The following ADCY9 variants were observed in gnomAD, a reference collection of about 807,000 sequenced individuals.
The protein encoded by ADCY9 is adenylate cyclase 9, also known as adenylate cyclase type 9.
ADCY9 carries 50 observed loss-of-function variants against 101.5 expected under a neutral mutation model. The ratio of observed to expected loss-of-function variants is 0.49; its 90% confidence interval spans 0.39 to 0.62. The LOEUF (loss-of-function observed/expected upper bound fraction) is 0.62, where lower values mean the gene tolerates loss of function less well. ADCY9 is among the 20% of genes least tolerant of loss of function. ADCY9 has a pLI of 0.00. For missense variants in ADCY9, 1,662 were observed against 1,800.4 expected (o/e 0.92, Z 1.39); for synonymous variants, 905 against 769.3 (o/e 1.18, Z -2.92).
At chr16:4,053,427 C>T (rs899527591) in intron 2 of ADCY9, among the ~76,000 whole-genome samples, 1 of 152,192 alleles carries the variant, frequency 6.6e-6, no homozygotes, top group South Asian at 2.1e-4. Context: ...TTGAGAAGAG[C>T]TCTCGACGGA....
chr16:4,047,957 C>T (rs970949347), intron 2 of ADCY9, among the ~76,000 whole-genome samples: 1 of 152,188 alleles, frequency 6.6e-6, no homozygotes. Flanking sequence ...TGGGAGTGAG[C>T]CCTGGAGGTT....
intron 10 of ADCY9, among the ~76,000 whole-genome samples, chr16:3,969,614 T>TGCGTA (rs1567414929): frequency 3.9e-5 from 2 of 50,720 alleles, no homozygotes; most frequent in Non-Finnish European, 7.6e-5. Context: ...ATATATGTAT[T>TGCGTA]TTTTTTTTTT....
chr16:3,989,174 C>T (rs754657384), intron 5 of ADCY9, 78 bp from the exon 6 acceptor site: 23 of 1,098,020 alleles, frequency 2.1e-5, no homozygotes, highest in Non-Finnish European at 2.9e-5. Flanking sequence ...TAATTAGCTA[C>T]CAAAACGCTG....
intron 2 of ADCY9, among the ~76,000 whole-genome samples, chr16:4,087,918 C>T (rs2056950293): frequency 6.7e-6 from 1 of 149,070 alleles, no homozygotes; most frequent in African/African-American, 2.5e-5. Context: ...TCTTTCGTTT[C>T]TTTCTTCCTT....
At chr16:4,003,975 G>C (rs1305153360) in intron 3 of ADCY9, among the ~76,000 whole-genome samples, 1 of 151,930 alleles carries the variant, frequency 6.6e-6, no homozygotes, top group Non-Finnish European at 1.5e-5. Context: ...AAGAACCCAA[G>C]GCCAGGCACA....
chr16:4,116,158 A>G lies in ADCY9; in HGVS notation c.-512T>C, dbSNP rs1429115995. The G allele has an allele frequency of 6.9e-6, 1 of 145,470 alleles. No homozygotes were observed. The highest frequency in any genetic ancestry group is 1.5e-5 in the Non-Finnish European group (1 of 65,622). 9.0% of individuals were successfully genotyped at this position (145,470 alleles called of 1,614,324 possible). On this transcript the variant is annotated 5_prime_UTR_variant, in exon 1 of 11. Transcript: ENST00000294016. ...GTCTAGTGGGGCCTGCTTCCCCCCG[A>G]GTGCGCCGCCGCTCCCGCCGCGGCC...
At chr16:3,988,430 T>C in intron 6 of ADCY9, among the ~76,000 whole-genome samples, 1 of 118,786 alleles carries the variant, frequency 8.4e-6, no homozygotes, top group African/African-American at 3.1e-5. Context: ...CGGTGGGGAG[T>C]TCCCTTCCAG....
chr16:4,048,881 G>A (rs1012672169), intron 2 of ADCY9, among the ~76,000 whole-genome samples: 1 of 152,112 alleles, frequency 6.6e-6, no homozygotes, highest in African/African-American at 2.4e-5. Context: ...CCCAGGAGAA[G>A]AGCCAGGAAT....
chr16:3,994,475 G>C (rs940486484), intron 3 of ADCY9, among the ~76,000 whole-genome samples: 2 of 152,130 alleles, frequency 1.3e-5, no homozygotes, highest in East Asian at 3.8e-4. Flanking sequence ...TATTTTTTGA[G>C]ATGGAGTTTC....
intron 7 of ADCY9, among the ~76,000 whole-genome samples, chr16:3,980,344 G>A (rs1166086717): frequency 6.6e-6 from 1 of 152,192 alleles, no homozygotes; most frequent in East Asian, 1.9e-4. Context: ...TGAGGAGGAG[G>A]AACAGGTCTT....
intron 2 of ADCY9, among the ~76,000 whole-genome samples, chr16:4,075,600 C>A (rs1021121232): frequency 1.3e-5 from 2 of 152,172 alleles, no homozygotes; most frequent in Non-Finnish European, 2.9e-5. Context: ...AAATACTGAG[C>A]GTCTGCTAAA....
Position 3,966,235 on chromosome 16 carries a change from C to G in ADCY9, c.3602G>C (p.Gly1201Ala). 6.2e-7 allele frequency: 1 copy of G among 1,614,234 alleles called. No individual in the cohort carries two copies. Among genetic ancestry groups the G allele is most frequent in the Non-Finnish European group, 8.5e-7 (1 of 1,180,048 alleles). ...VNIASRMDTT[G>A]VECRIQVSEE... ...GCTCACCTGGATGCGGCACTCCACG[C>G]CGGTGGTGTCCATCCTGCTGGCGAT... is the stretch of plus-strand genomic sequence containing the variant. The change falls in exon 11 of 11, where the codon GGC becomes GCC. Residue 1201 changes from glycine to alanine, a missense_variant. Physicochemically the swap from Gly to Ala is moderately conservative, Grantham distance 60. Coordinates refer to ENST00000294016, the MANE Select transcript of ADCY9 (RefSeq NM_001116.4).
chr16:4,059,825 G>C (rs1374108812), intron 2 of ADCY9, among the ~76,000 whole-genome samples: 1 of 152,160 alleles, frequency 6.6e-6, no homozygotes, highest in Non-Finnish European at 1.5e-5. Flanking sequence ...TTGAGCCTGG[G>C]AGCTTGAGGT....
Position 4,097,553 on chromosome 16 carries a change from A to ATATATTT in ADCY9, c.1693+16196_1693+16197insAAATATA, listed in dbSNP as rs1382458827. ...CATATATATATATATATATATATATATTTTTTTTTTTTTTTTTTAAGACAG... is the reference window on the plus strand; with the variant it reads ...CATATATATATATATATATATATATATATATTTTTTTTTTTTTTTTTTTTTAAGACAG... On this transcript the variant is annotated intron_variant, in intron 2 of 10. Coordinates refer to ENST00000294016, the MANE Select transcript of ADCY9 (RefSeq NM_001116.4). Among the ~76,000 whole-genome samples the ATATATTT allele has an allele frequency of 3.5e-3, 186 of 53,388 alleles. 8 individuals carry two copies. Among genetic ancestry groups the ATATATTT allele is most frequent in the East Asian group, 8.4e-3 (11 of 1,316 alleles). 35.0% of individuals were successfully genotyped at this position (53,388 alleles called of 152,430 possible). A position where few individuals can be genotyped will look rare whatever the true frequency, so the allele number is the denominator to read the frequency against.
At chr16:3,955,693 C>T (rs780055962) in intron 5 of ADCY9, among the ~76,000 whole-genome samples, 1 of 151,876 alleles carries the variant, frequency 6.6e-6, no homozygotes, top group African/African-American at 2.4e-5. Flanking sequence ...GGATTATAGG[C>T]GCATGCCACC....
intron 2 of ADCY9, among the ~76,000 whole-genome samples, chr16:4,094,238 C>T (rs1434851119): frequency 6.6e-6 from 1 of 152,060 alleles, no homozygotes; most frequent in African/African-American, 2.4e-5. Flanking sequence ...GAGTCAGTCA[C>T]TCACTTGTCC....
intron 6 of ADCY9, among the ~76,000 whole-genome samples, chr16:3,986,497 C>T (rs1004706245): frequency 1.3e-5 from 2 of 152,064 alleles, no homozygotes; most frequent in African/African-American, 2.4e-5. Flanking sequence ...TTGCCCAGGC[C>T]GGAGTGCAAT....
intron 2 of ADCY9, among the ~76,000 whole-genome samples, chr16:4,076,853 G>A (rs1043622835): frequency 5.3e-5 from 8 of 152,258 alleles, no homozygotes; most frequent in South Asian, 2.1e-4. Context: ...AAGGGAGGAG[G>A]ATCACCTGAG....
intron 2 of ADCY9, among the ~76,000 whole-genome samples, chr16:4,070,567 G>C (rs12921565): frequency 0.17 from 26,364 of 152,054 alleles, 2,465 homozygotes; most frequent in African/African-American, 0.25. Flanking sequence ...TGTAATCCCA[G>C]TGCTTTCGAA....
Sources: gnomAD v4.1 joint callset for allele counts (sites outside exome capture counted in the v4.1 genomes callset) on GRCh38, gnomAD v4.1.1 for gene constraint, MANE v1.5 for transcripts, NCBI Gene and HGNC (gene_info 2026-07-23, HGNC 2026-07-21) for gene names.